Variants in TAF1 observed in about 807,000 individuals in gnomAD.
The protein encoded by TAF1 is transcription initiation factor TFIID subunit 1.
In TAF1, 2 loss-of-function variants were observed where a neutral mutation model predicts 138.5. The observed-to-expected ratio is 0.01, with a 90% CI of 0.01 to 0.05. TAF1 has a LOEUF of 0.05. TAF1 is among the 10% of genes least tolerant of loss of function. The pLI is 1.00. For synonymous variants in TAF1, 437 were observed against 503.2 expected (o/e 0.87, Z 1.76); for missense variants, 709 against 1,478.0 (o/e 0.48, Z 8.53).
At chrX:71,479,045 T>C (rs1041053858) in intron 13 of TAF1, among the ~76,000 whole-genome samples, 1 of 112,812 alleles carries the variant, frequency 8.9e-6, no homozygotes, top group Non-Finnish European at 1.9e-5. Context: ...CACTGATCTT[T>C]ATAGCAAAAA....
At chrX:71,425,686 G>C (rs938654142) in intron 32 of TAF1, among the ~76,000 whole-genome samples, 1 of 111,328 alleles carries the variant, frequency 9.0e-6, no homozygotes, top group African/African-American at 3.3e-5. Context: ...CTTGACAAGA[G>C]CTATAATAGA....
rs1170991455 is a variant in TAF1, at chrX:71,465,303, T to G, written c.*1257T>G. On this transcript the variant is annotated 3_prime_UTR_variant, in exon 38 of 38. Coordinates refer to ENST00000423759, the MANE Select transcript of TAF1 (RefSeq NM_004606.5). ...GAGATAAGTGCAATTAAGAAGCTAG[T>G]TATAAAGTATAGGGGAAATAGAGGA... is the stretch of plus-strand genomic sequence containing the variant. 1 of 112,013 alleles carries G rather than the reference T, an allele frequency of 8.9e-6. No individual in the cohort carries two copies. Among genetic ancestry groups the G allele is most frequent in the Non-Finnish European group, 1.9e-5 (1 of 53,223 alleles). 9.2% of individuals were successfully genotyped at this position (112,013 alleles called of 1,213,427 possible). A position where few individuals can be genotyped will look rare whatever the true frequency, so the allele number is the denominator to read the frequency against.
chrX:71,520,689 CAA>C (rs1234838881), intron 13 of TAF1, among the ~76,000 whole-genome samples: 1 of 21,048 alleles, frequency 4.8e-5, no homozygotes, highest in Non-Finnish European at 8.8e-5. Context: ...AGTCTCAAAA[CAA>C]AAAAAAAAAA....
chrX:71,486,627 G>A (rs755755455), intron 13 of TAF1, among the ~76,000 whole-genome samples: 113 of 108,932 alleles, frequency 1.0e-3, no homozygotes, highest in African/African-American at 3.6e-3. Flanking sequence ...TGGGATTACC[G>A]GCGTGAGCCA....
At chrX:71,487,038 G>A (rs1274513245) in intron 13 of TAF1, among the ~76,000 whole-genome samples, 1 of 106,654 alleles carries the variant, frequency 9.4e-6, no homozygotes, top group African/African-American at 3.4e-5. Flanking sequence ...ACTGTACTTG[G>A]AGTATGTTGT....
chrX:71,374,754 T>C lies in TAF1; in HGVS notation c.353-413T>C, dbSNP rs2033348148. Reference sequence around the variant, plus strand: ...GAGCCATCATGCCTGGCCCTCACCTTGCTTTTTTCACTTGTGTGTTCTTAA... The same window carrying C: ...GAGCCATCATGCCTGGCCCTCACCTCGCTTTTTTCACTTGTGTGTTCTTAA... On this transcript the variant is annotated intron_variant, in intron 3 of 37. Transcript: ENST00000423759. Among the ~76,000 whole-genome samples the C allele has an allele frequency of 3.6e-5, 4 of 111,630 alleles. No individual in the cohort carries two copies. The South Asian group carries it at 1.5e-3, about 41-fold the overall frequency.
At chrX:71,483,740 ATCTCTCTCTCTCTC>A (rs1167670247) in intron 13 of TAF1, among the ~76,000 whole-genome samples, 16 of 62,391 alleles carry the variant, frequency 2.6e-4, no homozygotes, top group East Asian at 6.0e-4. Context: ...TATTGTGAAC[ATCTCTCTCTCTCTC>A]TCTCTCTCTC....
rs1308956468 is a variant in TAF1 at position 71,424,203 on chromosome X, T to C, written c.4718T>C (p.Val1573Ala). ...YQSRESFLDD[V>A]NLILANSVKY... ...AGTCGGGAGAGCTTTCTGGATGATG[T>C]AAACCTTATTCTGGCCAACAGTGTT... The change falls in exon 32 of 38, where the codon GTA becomes GCA. Residue 1573 changes from valine to alanine, a missense_variant. Around this residue, in one of 14 missense-constraint regions of TAF1, gnomAD observed 36 missense variants for 47.3 expected, o/e 0.76. Coordinates refer to ENST00000423759, the MANE Select transcript of TAF1 (RefSeq NM_004606.5). 1 of 1,209,899 alleles carries C rather than the reference T, an allele frequency of 8.3e-7. No individual in the cohort carries two copies. Among genetic ancestry groups the C allele is most frequent in the Non-Finnish European group, 1.1e-6 (1 of 894,375 alleles).
At chrX:71,417,082 G>T (rs1285591197) in intron 28 of TAF1, among the ~76,000 whole-genome samples, 1 of 109,785 alleles carries the variant, frequency 9.1e-6, no homozygotes, top group East Asian at 2.9e-4. Flanking sequence ...AGTATTGAGA[G>T]GTGGAGTTTT....
chrX:71,401,838 G>C, intron 25 of TAF1, 99 bp downstream of exon 25: 1 of 789,843 alleles, frequency 1.3e-6, no homozygotes, highest in East Asian at 3.2e-5. Flanking sequence ...CTCTGAAGTG[G>C]AACTGAAGGA....
chrX:71,457,293 A>G (rs1304209003), intron 34 of TAF1, among the ~76,000 whole-genome samples: 1 of 112,918 alleles, frequency 8.9e-6, no homozygotes, highest in African/African-American at 3.2e-5. Flanking sequence ...CTGGAAAATA[A>G]AAACAAGAAA....
chrX:71,454,764 T>C lies in TAF1; in HGVS notation c.4845T>C (p.Leu1615=). The C allele has an allele frequency of 8.3e-7, 1 of 1,208,572 alleles. No individual in the cohort carries two copies. Among genetic ancestry groups the C allele is most frequent in the Non-Finnish European group, 1.1e-6 (1 of 894,633 alleles). ...AGTATGATGAACATTTGACTCAACT[T>C]GAGAAGGATATTTGTACTGCTAAAG... ...LTEYDEHLTQ[L]EKDICTAKEA... is the part of the protein sequence containing the mutation. The change falls in exon 34 of 38, where the codon CTT becomes CTC. Residue 1615 remains leucine, a synonymous_variant. Transcript: ENST00000423759.
chrX:71,422,658 C>T lies in TAF1; in HGVS notation c.4453-459C>T, dbSNP rs189963126. On this transcript the variant is annotated intron_variant, in intron 29 of 37. Transcript: ENST00000423759. ...CATTTATCTTGACTTTTTGTCATTC[C>T]ATAGGCAATTCAAAGTTACACTTTC... Among the ~76,000 whole-genome samples, 4 of 110,673 alleles carry T rather than the reference C, an allele frequency of 3.6e-5. No individual in the cohort carries two copies. In the East Asian group the frequency reaches 1.1e-3, roughly 31 times the overall value.
chrX:71,432,373 G>A (rs1369649432), intron 32 of TAF1, among the ~76,000 whole-genome samples: 3 of 112,059 alleles, frequency 2.7e-5, no homozygotes, highest in Non-Finnish European at 5.6e-5. Flanking sequence ...TAAAGTGGGA[G>A]AAGGAATTTG....
At chrX:71,407,505 A>T in intron 26 of TAF1, 69 bp from the exon 27 acceptor site, 1 of 1,000,807 alleles carries the variant, frequency 1.0e-6, no homozygotes, top group Non-Finnish European at 1.4e-6. Context: ...GGTGTGAGCT[A>T]CTGTGCCTGG....
chrX:71,420,245 TG>T (rs2036259597), intron 28 of TAF1: 4 of 868,458 alleles, frequency 4.6e-6, no homozygotes. Context: ...TGCTGATTCC[TG>T]GTCTGTTGGT....
intron 13 of TAF1, among the ~76,000 whole-genome samples, chrX:71,512,984 C>T (rs2039761042): frequency 8.9e-6 from 1 of 112,247 alleles, no homozygotes; most frequent in South Asian, 3.7e-4. Flanking sequence ...TTGACTTTGG[C>T]AGTTTGGAGG....
At chrX:71,434,695 C>T (rs1271130058) in intron 32 of TAF1, among the ~76,000 whole-genome samples, 6 of 112,102 alleles carry the variant, frequency 5.4e-5, no homozygotes, top group Non-Finnish European at 1.1e-4. Flanking sequence ...ATTGTACCTT[C>T]CAGCTGCCAC....
At chrX:71,448,991 A>T (rs2037828773) in intron 32 of TAF1, among the ~76,000 whole-genome samples, 1 of 65,434 alleles carries the variant, frequency 1.5e-5, no homozygotes, top group African/African-American at 6.1e-5. Context: ...GCTAATTTGT[A>T]TTTTTATTTA....
Sources: allele counts gnomAD v4.1 joint callset (sites outside exome capture counted in the v4.1 genomes callset), GRCh38; gene constraint gnomAD v4.1.1; regional missense constraint gnomAD v4.1.1; transcripts MANE v1.5; gene names NCBI Gene and HGNC (gene_info 2026-07-23, HGNC 2026-07-21).